PREX1: variants seen among roughly 807,000 people sequenced by gnomAD.
The protein encoded by PREX1 is phosphatidylinositol 3,4,5-trisphosphate-dependent Rac exchanger 1 protein.
PREX1 carries 41 observed loss-of-function variants against 198.3 expected under a neutral mutation model. The ratio of observed to expected loss-of-function variants is 0.21; its 90% CI spans 0.16 to 0.27. The LOEUF is 0.27. PREX1 is among the 10% of genes least tolerant of loss of function. The probability of loss-of-function intolerance (pLI) is 1.00; values close to 1 mark genes in which losing one functional copy is unlikely to be tolerated. For synonymous variants in PREX1, 843 were observed against 887.2 expected, an observed-to-expected ratio of 0.95 and a Z score of 0.89; for missense variants, 1,620 against 2,200.7, an observed-to-expected ratio of 0.74 and a Z score of 5.28.
intron 2 of PREX1, among the ~76,000 whole-genome samples, chr20:48,746,941 AACACACACACACACAC>A (rs57506374): frequency 0.099 from 11,618 of 117,536 alleles, 906 homozygotes; most frequent in African/African-American, 0.14. Flanking sequence ...CCAGTGCATG[AACACACACACACACAC>A]ACACACACAC....
At chr20:48,854,540 AAC>A in the PREX1 span, among the ~76,000 whole-genome samples, 3 of 152,114 alleles carry the variant, frequency 2.0e-5, no homozygotes, top group African/African-American at 7.2e-5. Flanking sequence ...CAGCCTGGGC[AAC>A]AGAGTGAGAC....
At chr20:48,829,904 G>A (rs1039878455), upstream of PREX1, among the ~76,000 whole-genome samples, 1 of 152,194 alleles carries the variant, frequency 6.6e-6, no homozygotes, top group Non-Finnish European at 1.5e-5. Flanking sequence ...GTCTTTGTGA[G>A]AGCGAATTCT....
chr20:48,855,269 G>A, the PREX1 span, among the ~76,000 whole-genome samples: 1 of 152,134 alleles, frequency 6.6e-6, no homozygotes, highest in Non-Finnish European at 1.5e-5. Context: ...AAGCAAGATA[G>A]GGCTAGAAAA....
chr20:48,656,284 C>T (rs1363624716), intron 18 of PREX1, among the ~76,000 whole-genome samples: 1 of 152,174 alleles, frequency 6.6e-6, no homozygotes, highest in Non-Finnish European at 1.5e-5. Context: ...CCCCTGCTCT[C>T]GCACTCTGCT....
chr20:48,821,941 CCTT>C (rs2090487447), intron 1 of PREX1: 2 of 152,208 alleles, frequency 1.3e-5, no homozygotes, highest in South Asian at 4.1e-4. Context: ...ACAGGGTTGT[CCTT>C]CTTATAAGGA....
intron 15 of PREX1, among the ~76,000 whole-genome samples, chr20:48,660,953 C>G (rs1383217593): frequency 6.6e-6 from 1 of 152,186 alleles, no homozygotes; most frequent in African/African-American, 2.4e-5. Flanking sequence ...AAATCTGCTC[C>G]ACTACCTGAC....
intron 1 of PREX1, among the ~76,000 whole-genome samples, chr20:48,758,714 A>C (rs1230816297): frequency 6.6e-6 from 1 of 152,202 alleles, no homozygotes; most frequent in Non-Finnish European, 1.5e-5. Flanking sequence ...ACAGGGAGCA[A>C]ACAGCATTGC....
chr20:48,709,236 G>A (rs967009003), intron 5 of PREX1, among the ~76,000 whole-genome samples: 6 of 152,184 alleles, frequency 3.9e-5, no homozygotes, highest in African/African-American at 9.7e-5. Context: ...CTTTCATCCC[G>A]AACTGTGCTG....
intron 9 of PREX1, among the ~76,000 whole-genome samples, chr20:48,690,443 A>G (rs1478656279): frequency 2.0e-5 from 3 of 152,074 alleles, no homozygotes; most frequent in Non-Finnish European, 4.4e-5. Context: ...TCTCTGCACA[A>G]AACAGCCCGG....
At chr20:48,630,247 A>G (rs2089302971) in intron 36 of PREX1, among the ~76,000 whole-genome samples, 1 of 152,182 alleles carries the variant, frequency 6.6e-6, no homozygotes, top group African/African-American at 2.4e-5. Flanking sequence ...GAGCCGAACT[A>G]TCGAGGCCCC....
chr20:48,762,137 A>C (rs1398509031), intron 1 of PREX1, among the ~76,000 whole-genome samples: 1 of 152,242 alleles, frequency 6.6e-6, no homozygotes, highest in Non-Finnish European at 1.5e-5. Flanking sequence ...AATGGAATGC[A>C]GATCTTTTTC....
At chr20:48,829,748 C>T (rs1024599241), upstream of PREX1, among the ~76,000 whole-genome samples, 3 of 152,078 alleles carry the variant, frequency 2.0e-5, no homozygotes, top group Non-Finnish European at 2.9e-5. Context: ...CTGTCTACCA[C>T]GAGGGGAGAA....
At chr20:48,711,403 G>C (rs1439956457) in intron 5 of PREX1, among the ~76,000 whole-genome samples, 1 of 152,064 alleles carries the variant, frequency 6.6e-6, no homozygotes, top group East Asian at 1.9e-4. Context: ...AGTGGTTTTT[G>C]GCATCTGGAC....
chr20:48,881,890 C>A, the PREX1 span, among the ~76,000 whole-genome samples: 2 of 152,048 alleles, frequency 1.3e-5, no homozygotes, highest in Non-Finnish European at 2.9e-5. Context: ...GAAACCCCAT[C>A]CCCATCTCTA....
At chr20:48,787,453 C>G (rs1489703670) in intron 1 of PREX1, among the ~76,000 whole-genome samples, 1 of 151,842 alleles carries the variant, frequency 6.6e-6, no homozygotes, top group East Asian at 1.9e-4. Context: ...CAGCGAATGC[C>G]CGCTGGCAGC....
At chr20:48,841,719 G>A in the PREX1 span, among the ~76,000 whole-genome samples, 1 of 152,220 alleles carries the variant, frequency 6.6e-6, no homozygotes, top group Admixed American at 6.5e-5. Flanking sequence ...TAGACAACCT[G>A]TGCCACAGAA....
chr20:48,702,809 A>T (rs975873351), intron 6 of PREX1, among the ~76,000 whole-genome samples: 1 of 152,270 alleles, frequency 6.6e-6, no homozygotes, highest in Non-Finnish European at 1.5e-5. Context: ...TCCTTACAGC[A>T]GTCAACCACA....
intron 5 of PREX1, among the ~76,000 whole-genome samples, chr20:48,724,094 C>T (rs906147331): frequency 2.6e-5 from 4 of 152,184 alleles, no homozygotes; most frequent in African/African-American, 2.4e-5. Flanking sequence ...AGGGCAGCAT[C>T]GCTGACACTC....
intron 14 of PREX1, among the ~76,000 whole-genome samples, chr20:48,673,603 C>T (rs2089690318): frequency 6.6e-6 from 1 of 152,178 alleles, no homozygotes; most frequent in Non-Finnish European, 1.5e-5. Flanking sequence ...GACTGAAGCA[C>T]CTAAACCACA....
Sources: gnomAD v4.1 joint callset for allele counts (sites outside exome capture counted in the v4.1 genomes callset) on GRCh38, gnomAD v4.1.1 for gene constraint, MANE v1.5 for transcripts, NCBI Gene and HGNC (gene_info 2026-07-23, HGNC 2026-07-21) for gene names.